Variants in FSTL4 observed in about 807,000 individuals in gnomAD.
FSTL4 encodes follistatin like 4, also known as follistatin-related protein 4.
Under a neutral mutation model 78.2 loss-of-function variants are expected in FSTL4, and 28 were observed. The observed-to-expected ratio is 0.36, with a 90% CI of 0.27 to 0.49. FSTL4 has a LOEUF of 0.49. Among genes scored for constraint, FSTL4 ranks in the 20% least tolerant of loss-of-function variants. The pLI, the probability that FSTL4 is intolerant of heterozygous loss-of-function variation, is 0.98. For synonymous variants in FSTL4, 422 were observed against 440.5 expected, an observed-to-expected ratio of 0.96 and a Z score of 0.53; for missense variants, 922 against 1,084.9, an observed-to-expected ratio of 0.85 and a Z score of 2.11.
the FSTL4 span, among the ~76,000 whole-genome samples, chr5:133,840,627 T>G: frequency 4.6e-5 from 7 of 152,192 alleles, no homozygotes; most frequent in Non-Finnish European, 1.0e-4. Context: ...TTTCTTCAAC[T>G]TTAGCAGCAG....
chr5:133,318,965 C>T (rs1438081151), intron 4 of FSTL4, among the ~76,000 whole-genome samples: 1 of 152,222 alleles, frequency 6.6e-6, no homozygotes, highest in Non-Finnish European at 1.5e-5. Context: ...AGCTGGCAAA[C>T]CCATTTCTCA....
the FSTL4 span, among the ~76,000 whole-genome samples, chr5:133,834,518 G>A: frequency 5.3e-5 from 8 of 151,458 alleles, 1 homozygote; most frequent in Admixed American, 1.3e-4. Context: ...TGTGGGGGGT[G>A]GGGGGAGTAA....
the FSTL4 span, among the ~76,000 whole-genome samples, chr5:133,746,332 A>T: frequency 5.9e-5 from 9 of 152,330 alleles, no homozygotes; most frequent in East Asian, 1.4e-3. Context: ...ATTATAAACA[A>T]AAGTTCATGA....
At chr5:133,241,757 T>G (rs1751880257) in intron 7 of FSTL4, among the ~76,000 whole-genome samples, 1 of 152,152 alleles carries the variant, frequency 6.6e-6, no homozygotes, top group Non-Finnish European at 1.5e-5. Context: ...CTGCTTTCCT[T>G]TGGGAAACCT....
At chr5:133,471,888 T>C (rs1757833123) in intron 3 of FSTL4, among the ~76,000 whole-genome samples, 1 of 152,198 alleles carries the variant, frequency 6.6e-6, no homozygotes, top group African/African-American at 2.4e-5. Context: ...TCCCCCTTGC[T>C]CTAGAGGGGG....
chr5:133,721,133 G>A, the FSTL4 span, among the ~76,000 whole-genome samples: 8 of 152,284 alleles, frequency 5.3e-5, no homozygotes, highest in Admixed American at 4.6e-4. Context: ...TTTATTGTGT[G>A]TGAAACAATT....
chr5:133,836,281 CTCATT>C, the FSTL4 span, among the ~76,000 whole-genome samples: 1 of 152,004 alleles, frequency 6.6e-6, no homozygotes, highest in East Asian at 1.9e-4. Flanking sequence ...TTTTCACTAT[CTCATT>C]TTTCTTCACT....
the FSTL4 span, among the ~76,000 whole-genome samples, chr5:133,791,682 C>T: frequency 6.6e-6 from 1 of 152,254 alleles, no homozygotes; most frequent in African/African-American, 2.4e-5. Context: ...TGTCTACACA[C>T]CTGCATTCTG....
the FSTL4 span, among the ~76,000 whole-genome samples, chr5:133,760,752 G>GA: frequency 1.3e-5 from 2 of 152,090 alleles, no homozygotes; most frequent in Admixed American, 6.6e-5. Flanking sequence ...AGGAAGAGGG[G>GA]AAAAACCTAG....
chr5:133,470,968 A>G (rs956647062), intron 3 of FSTL4, among the ~76,000 whole-genome samples: 2 of 152,068 alleles, frequency 1.3e-5, no homozygotes, highest in African/African-American at 4.8e-5. Flanking sequence ...CATGCAATTA[A>G]GATTTTTAGA....
At chr5:133,704,934 C>T in the FSTL4 span, among the ~76,000 whole-genome samples, 1 of 152,238 alleles carries the variant, frequency 6.6e-6, no homozygotes, top group African/African-American at 2.4e-5. Flanking sequence ...TTTGCCTGTT[C>T]CCTGGGAATT....
At chr5:133,343,644 G>A (rs950158733) in intron 4 of FSTL4, among the ~76,000 whole-genome samples, 5 of 152,202 alleles carry the variant, frequency 3.3e-5, no homozygotes, top group Admixed American at 2.6e-4. Flanking sequence ...CTGTGGTTTG[G>A]TGATGTTTGG....
the FSTL4 span, among the ~76,000 whole-genome samples, chr5:133,652,387 G>A: frequency 6.6e-6 from 1 of 151,960 alleles, no homozygotes; most frequent in Admixed American, 6.5e-5. Context: ...TGCATTCAGT[G>A]CTATACATTT....
chr5:133,455,032 A>T (rs1448583268), intron 3 of FSTL4, among the ~76,000 whole-genome samples: 1 of 152,196 alleles, frequency 6.6e-6, no homozygotes, highest in African/African-American at 2.4e-5. Flanking sequence ...AGTAGCCCTC[A>T]CTCAACATGG....
chr5:133,496,103 T>C (rs1015844828), intron 3 of FSTL4, among the ~76,000 whole-genome samples: 1 of 152,110 alleles, frequency 6.6e-6, no homozygotes, highest in Non-Finnish European at 1.5e-5. Context: ...TGAGATTCCA[T>C]CCTCCGATCG....
At position 133,611,382 on chromosome 5, in the gene FSTL4, T is replaced by C. The variant is rs1761089288; in HGVS notation, c.-11+943A>G. On this transcript the variant is annotated intron_variant, in intron 1 of 15. Transcript: ENST00000265342. The surrounding 1 kb of genome is among the most constrained non-coding windows in gnomAD (Gnocchi z 4.9). ...TGGCAGGCCTGGGGTTGGCGCCGCT[T>C]TGTCGGCTGCAGGGAGCCCCAAAGA... Among the ~76,000 whole-genome samples, 1 of 152,164 alleles carries C rather than the reference T, an allele frequency of 6.6e-6. No homozygotes were observed. The highest frequency in any genetic ancestry group is 2.1e-4 in the South Asian group (1 of 4,830).
intron 4 of FSTL4, among the ~76,000 whole-genome samples, chr5:133,376,208 T>C (rs1755432247): frequency 6.6e-6 from 1 of 152,218 alleles, no homozygotes. Context: ...GACATTGTGG[T>C]ATTGGTGCAG....
chr5:133,319,296 C>G (rs974959030), intron 4 of FSTL4, among the ~76,000 whole-genome samples: 3 of 152,346 alleles, frequency 2.0e-5, no homozygotes, highest in Admixed American at 2.0e-4. Context: ...CCTGAGCCCA[C>G]GGTCCCACCC....
the FSTL4 span, among the ~76,000 whole-genome samples, chr5:133,735,138 G>A: frequency 3.3e-5 from 5 of 152,086 alleles, no homozygotes; most frequent in Non-Finnish European, 2.9e-5. Flanking sequence ...AGCACCTCAT[G>A]CCTGACCCAT....
Sources: allele counts gnomAD v4.1 joint callset (sites outside exome capture counted in the v4.1 genomes callset), GRCh38; gene constraint gnomAD v4.1.1; non-coding constraint Gnocchi (gnomAD v3.1); transcripts MANE v1.5; gene names NCBI Gene and HGNC (gene_info 2026-07-23, HGNC 2026-07-21).